Variants in SIDT2 observed in about 807,000 individuals in gnomAD.
SIDT2 encodes the protein SID1 transmembrane family member 2, also known as SID1 transmembrane family, member 2.
Under a neutral mutation model 114.4 loss-of-function variants are expected in SIDT2, and 68 were observed. The observed-to-expected ratio is 0.59, with a 90% confidence interval of 0.49 to 0.73. The LOEUF (loss-of-function observed/expected upper bound fraction) is 0.73. Ranked by LOEUF, SIDT2 falls within the 30% of genes least tolerant of loss-of-function variation. SIDT2 has a pLI of 0.00. For missense variants in SIDT2, 918 were observed against 1,097.1 expected (o/e 0.84, Z 2.31); for synonymous variants, 470 against 438.4 (o/e 1.07, Z -0.90).
chr11:117,188,950 C>A lies in SIDT2; in HGVS notation c.1278+124C>A. 9.1e-7 allele frequency: 1 copy of A among 1,096,170 alleles called. No homozygotes were observed. The highest frequency in any genetic ancestry group is 1.4e-6 in the Non-Finnish European group (1 of 719,142). The allele number at this position is 1,096,170 out of a possible 1,614,324, so 67.9% of individuals were successfully genotyped here. On this transcript the variant is annotated intron_variant, in intron 13 of 25. Transcript: ENST00000324225. This position sits in a 1 kb window ranked among gnomAD's most constrained non-coding sequence, Gnocchi z 4.0. ...GCAGAAGGAAGGGGCTCAGCTGGGGCAGGGCAGATGCCGGGGAAACTAACC... is the reference window on the plus strand; with the variant it reads ...GCAGAAGGAAGGGGCTCAGCTGGGGAAGGGCAGATGCCGGGGAAACTAACC...
rs2030390707 is a variant in SIDT2 at position 117,183,769 on chromosome 11, C to G, written c.703-10C>G. 2 of 1,586,742 alleles carry G rather than the reference C, an allele frequency of 1.3e-6. No homozygotes were observed. The highest frequency in any genetic ancestry group is 1.7e-6 in the Non-Finnish European group (2 of 1,155,542). ...TGATGAAGAAGATATTTATCATCAT[C>G]ATCCTGCAGCGCAAAGACTTCCCCA... On this transcript the variant is annotated splice_polypyrimidine_tract_variant and intron_variant, in intron 6 of 25. Transcript: ENST00000324225.
In SIDT2 at chr11:117,188,531, G is replaced by C. The variant is rs1301938435; in HGVS notation, c.1160-177G>C. On this transcript the variant is annotated intron_variant, in intron 12 of 25. Coordinates refer to ENST00000324225, the MANE Select transcript of SIDT2 (RefSeq NM_001040455.2). The surrounding 1 kb of genome is among the most constrained non-coding windows in gnomAD (Gnocchi z 4.0). ...GTCTACCATCATCCCCCAGGACTTA[G>C]GAGCACCTGATGTCTCCTCCCAGCT... The C allele has an allele frequency of 1.6e-6, 1 of 615,422 alleles. No homozygotes were observed. Among genetic ancestry groups the C allele is most frequent in the African/African-American group, 1.8e-5 (1 of 54,568 alleles). 38.1% of individuals were successfully genotyped at this position (615,422 alleles called of 1,614,324 possible).
chr11:117,192,006 C>T lies in SIDT2; in HGVS notation c.1864C>T (p.Leu622=), dbSNP rs753437477. Residue 622 remains leucine, a synonymous_variant, in exon 19 of 26, where the codon CTG becomes TTG. Coordinates refer to ENST00000324225, the MANE Select transcript of SIDT2 (RefSeq NM_001040455.2). The surrounding 1 kb of genome is among the most constrained non-coding windows in gnomAD (Gnocchi z 5.9). ...GGCCATTGTCATCTTCTTCTCTGTG[C>T]TGGGCGTGGTGAGGGCCTGACCTGC... ...CLAIVIFFSV[L]GVVFGKGNTA... is the part of the protein sequence containing the mutation. The T allele has an allele frequency of 1.2e-6, 2 of 1,614,184 alleles. No homozygotes were observed. Among genetic ancestry groups the T allele is most frequent in the South Asian group, 2.2e-5 (2 of 91,088 alleles).
rs1278018660 is a variant in SIDT2 at position 117,178,898 on chromosome 11, TCCTC to T, written c.-359_-356del. ...GCGGCCAGCCCCCGCCGCCGGCTCT[TCCTC>T]CCTCCCCTTTCCCGGCGTCTCCAGG... On this transcript the variant is annotated 5_prime_UTR_variant, in exon 1 of 26. Transcript: ENST00000324225. 2 of 209,182 alleles carry T rather than the reference TCCTC, an allele frequency of 9.6e-6. No individual in the cohort carries two copies. The highest frequency in any genetic ancestry group is 9.9e-5 in the South Asian group (1 of 10,140). 13.0% of individuals were successfully genotyped at this position (209,182 alleles called of 1,614,324 possible). A position where few individuals can be genotyped will look rare whatever the true frequency, so the allele number is the denominator to read the frequency against.
chr11:117,188,920 G>C lies in SIDT2; in HGVS notation c.1278+94G>C. ...CATGTTCCCACTGACGTGGCATTTA[G>C]GGAAGCAGAAGGAAGGGGCTCAGCT... On this transcript the variant is annotated intron_variant, in intron 13 of 25. Transcript: ENST00000324225. The surrounding 1 kb of genome is among the most constrained non-coding windows in gnomAD (Gnocchi z 4.0). 1.5e-6 allele frequency: 2 copies of C among 1,321,570 alleles called. No homozygotes were observed. The highest frequency in any genetic ancestry group is 2.2e-6 in the Non-Finnish European group (2 of 915,982). The allele number at this position is 1,321,570 out of a possible 1,614,324, so 81.9% of individuals were successfully genotyped here.
intron 10 of SIDT2, among the ~76,000 whole-genome samples, chr11:117,187,155 A>G (rs1201132788): frequency 6.7e-6 from 1 of 150,006 alleles, no homozygotes; most frequent in Non-Finnish European, 1.5e-5. Flanking sequence ...CTCTCTCCTT[A>G]GGGAAGACAA....
intron 1 of SIDT2, chr11:117,179,679 T>A: frequency 1.9e-6 from 1 of 516,338 alleles, no homozygotes; most frequent in South Asian, 2.7e-5. Context: ...CATCTTCTCT[T>A]CCGCCCCCAT....
At position 117,187,471 on chromosome 11, in the gene SIDT2, G is replaced by A. The variant is rs201322471; in HGVS notation, c.1087+22G>A. The A allele has an allele frequency of 5.3e-4, 852 of 1,611,722 alleles. 3 individuals are homozygous for A. Among genetic ancestry groups the A allele is most frequent in the Middle Eastern group, 2.5e-3 (15 of 6,058 alleles). On this transcript the variant is annotated intron_variant, in intron 11 of 25. Coordinates refer to ENST00000324225, the MANE Select transcript of SIDT2 (RefSeq NM_001040455.2). ...TTTGGTACGTGTCAAAGCCAGCACCGTGCTTGCTGGGGACATGACCTTGTC... is the reference window on the plus strand; with the variant it reads ...TTTGGTACGTGTCAAAGCCAGCACCATGCTTGCTGGGGACATGACCTTGTC...
chr11:117,187,494 G>A (rs1565286590), intron 11 of SIDT2, 45 bp downstream of exon 11: 1 of 1,607,908 alleles, frequency 6.2e-7, no homozygotes, highest in Non-Finnish European at 8.5e-7. Flanking sequence ...ACATGACCTT[G>A]TCTCCTTAGG....
Position 117,190,574 on chromosome 11 carries a change from C to T in SIDT2, c.1618-49C>T. ...GTCCCTCTTTTGGGTCCCTTCTTCC[C>T]TTCCTGCCTCACTTCCTCCCTCCCT... On this transcript the variant is annotated intron_variant, in intron 17 of 25. Coordinates refer to ENST00000324225, the MANE Select transcript of SIDT2 (RefSeq NM_001040455.2). The surrounding 1 kb of genome is among the most constrained non-coding windows in gnomAD (Gnocchi z 4.1). The T allele has an allele frequency of 1.4e-6, 2 of 1,476,204 alleles. No individual in the cohort carries two copies. The highest frequency in any genetic ancestry group is 1.2e-5 in the South Asian group (1 of 82,430). 91.4% of individuals were successfully genotyped at this position (1,476,204 alleles called of 1,614,324 possible).
intron 8 of SIDT2, among the ~76,000 whole-genome samples, chr11:117,184,372 C>G (rs2030416219): frequency 6.6e-6 from 1 of 152,174 alleles, no homozygotes; most frequent in African/African-American, 2.4e-5. Flanking sequence ...AGGTCCAGTT[C>G]ACTTTCTGCC....
rs762118800 is a variant in SIDT2 at position 117,188,878 on chromosome 11, C to G, written c.1278+52C>G. On this transcript the variant is annotated intron_variant, in intron 13 of 25. Coordinates refer to ENST00000324225, the MANE Select transcript of SIDT2 (RefSeq NM_001040455.2). This position sits in a 1 kb window ranked among gnomAD's most constrained non-coding sequence, Gnocchi z 4.0. ...AGGCGTTTCCTGAGAAAGGGACATT[C>G]TGCGTTCCCGCCCCAGCATGTTCCC... 2 of 1,518,762 alleles carry G rather than the reference C, an allele frequency of 1.3e-6. No individual in the cohort carries two copies. Among genetic ancestry groups the G allele is most frequent in the Admixed American group, 3.3e-5 (2 of 59,866 alleles). 94.1% of individuals were successfully genotyped at this position (1,518,762 alleles called of 1,614,324 possible).
chr11:117,196,324 G>A lies in SIDT2; in HGVS notation c.*258G>A, dbSNP rs2134263923. The A allele has an allele frequency of 1.8e-6, 1 of 543,838 alleles. No homozygotes were observed. Among genetic ancestry groups the A allele is most frequent in the African/African-American group, 1.9e-5 (1 of 52,968 alleles). The allele number at this position is 543,838 out of a possible 1,614,324, so 33.7% of individuals were successfully genotyped here. A position where few individuals can be genotyped will look rare whatever the true frequency, so the allele number is the denominator to read the frequency against. ...TGGCCAAATTGCTGCTTTCTTCTCA[G>A]TGTTGGGGCCTTCCATGGGCCCCTG... On this transcript the variant is annotated 3_prime_UTR_variant, in exon 26 of 26. Coordinates refer to ENST00000324225, the MANE Select transcript of SIDT2 (RefSeq NM_001040455.2). This position sits in a 1 kb window ranked among gnomAD's most constrained non-coding sequence, Gnocchi z 4.9.
intron 22 of SIDT2, 98 bp from the exon 23 acceptor site, chr11:117,193,055 C>T: frequency 1.4e-6 from 2 of 1,406,110 alleles, no homozygotes; most frequent in Non-Finnish European, 2.0e-6. Flanking sequence ...CTTCTGAACA[C>T]AGCCCAACAT....
Position 117,188,877 on chromosome 11 carries a change from T to A in SIDT2, c.1278+51T>A. 6.6e-7 allele frequency: 1 copy of A among 1,523,300 alleles called. No individual in the cohort carries two copies. Among genetic ancestry groups the A allele is most frequent in the Non-Finnish European group, 9.1e-7 (1 of 1,097,230 alleles). The allele number at this position is 1,523,300 out of a possible 1,614,324, so 94.4% of individuals were successfully genotyped here. On this transcript the variant is annotated intron_variant, in intron 13 of 25. Coordinates refer to ENST00000324225, the MANE Select transcript of SIDT2 (RefSeq NM_001040455.2). This position sits in a 1 kb window ranked among gnomAD's most constrained non-coding sequence, Gnocchi z 4.0. The stretch of plus-strand genomic sequence containing the variant: ...CAGGCGTTTCCTGAGAAAGGGACAT[T>A]CTGCGTTCCCGCCCCAGCATGTTCC...
In SIDT2 at chr11:117,193,881, T is replaced by C; in HGVS notation, c.2240T>C (p.Ile747Thr). ...KLRSGERIKLIPLLCIVCTSV... is the reference protein window; with the variant it reads ...KLRSGERIKLTPLLCIVCTSV... Reference sequence around the variant, plus strand: ...CGGAGTGGGGAGAGGATCAAGCTCATCCCCCTGCTCTGCATCGTTTGCACC... The same window carrying C: ...CGGAGTGGGGAGAGGATCAAGCTCACCCCCCTGCTCTGCATCGTTTGCACC... Residue 747 changes from isoleucine (I) to threonine (T), a missense_variant, in exon 24 of 26, where the codon ATC becomes ACC. Physicochemically the swap from Ile to Thr is moderately conservative, Grantham distance 89. Around this residue, in one of 4 missense-constraint regions of SIDT2, gnomAD observed 275 missense variants for 397.6 expected, o/e 0.69. Coordinates refer to ENST00000324225, the MANE Select transcript of SIDT2 (RefSeq NM_001040455.2). The C allele has an allele frequency of 6.2e-7, 1 of 1,613,964 alleles. No homozygotes were observed. The highest frequency in any genetic ancestry group is 8.5e-7 in the Non-Finnish European group (1 of 1,179,944).
At chr11:117,187,496 C>T in intron 11 of SIDT2, 47 bp downstream of exon 11, 1 of 1,606,412 alleles carries the variant, frequency 6.2e-7, no homozygotes, top group Non-Finnish European at 8.5e-7. Flanking sequence ...ATGACCTTGT[C>T]TCCTTAGGCC....
rs1331831478 is a variant in SIDT2, at chr11:117,192,012, G to A, written c.1870G>A (p.Val624Met). The A allele has an allele frequency of 3.7e-6, 6 of 1,614,004 alleles. No homozygotes were observed. Among genetic ancestry groups the A allele is most frequent in the African/African-American group, 2.7e-5 (2 of 74,934 alleles). The change falls in exon 19 of 26, where the codon GTG becomes ATG. Residue 624 changes from valine to methionine, a missense_variant and splice_region_variant. Around this residue, in one of 4 missense-constraint regions of SIDT2, gnomAD observed 275 missense variants for 397.6 expected, o/e 0.69. Coordinates refer to ENST00000324225, the MANE Select transcript of SIDT2 (RefSeq NM_001040455.2). This position sits in a 1 kb window ranked among gnomAD's most constrained non-coding sequence, Gnocchi z 5.9. ...TGTCATCTTCTTCTCTGTGCTGGGC[G>A]TGGTGAGGGCCTGACCTGCTCTGCT... ...AIVIFFSVLG[V>M]VFGKGNTAFW...
In SIDT2 at chr11:117,182,706, CT is replaced by C. The variant is rs2030339239; in HGVS notation, c.619-16del. 6.2e-7 allele frequency: 1 copy of C among 1,613,962 alleles called. No individual in the cohort carries two copies. The highest frequency in any genetic ancestry group is 1.7e-5 in the Admixed American group (1 of 60,010). ...AGGCCAGGTTCCCATCCATCTGCCTCTCCCGCCCCTCTGCAGTGTCCTGTCT... is the reference window on the plus strand; with the variant it reads ...AGGCCAGGTTCCCATCCATCTGCCTCCCCGCCCCTCTGCAGTGTCCTGTCT... On this transcript the variant is annotated splice_polypyrimidine_tract_variant and intron_variant, in intron 5 of 25. Transcript: ENST00000324225.
Sources: allele counts gnomAD v4.1 joint callset (sites outside exome capture counted in the v4.1 genomes callset), GRCh38; gene constraint gnomAD v4.1.1; regional missense constraint gnomAD v4.1.1; non-coding constraint Gnocchi (gnomAD v3.1); transcripts MANE v1.5; gene names NCBI Gene and HGNC (gene_info 2026-07-23, HGNC 2026-07-21).